The following MARCHF1 variants were observed in gnomAD, a reference collection of about 807,000 sequenced individuals.
MARCHF1 encodes E3 ubiquitin-protein ligase MARCHF1.
A neutral mutation model predicts 54.2 loss-of-function variants in MARCHF1; 40 were observed. The ratio of observed to expected loss-of-function variants is 0.74; its 90% CI spans 0.57 to 0.96. The LOEUF (loss-of-function observed/expected upper bound fraction) is 0.96. Among genes scored for constraint, MARCHF1 ranks in the 40% least tolerant of loss-of-function variants. The probability of loss-of-function intolerance (pLI) is 0.00; values close to 1 mark genes in which losing one functional copy is unlikely to be tolerated. For missense variants in MARCHF1, 586 were observed against 656.5 expected (o/e 0.89, Z 1.17); for synonymous variants, 236 against 236.3 (o/e 1.00, Z 0.01).
intron 4 of MARCHF1, among the ~76,000 whole-genome samples, chr4:163,835,489 C>T (rs1749155759): frequency 6.6e-6 from 1 of 152,064 alleles, no homozygotes; most frequent in African/African-American, 2.4e-5. Flanking sequence ...AGGTTTTGGC[C>T]AATAAAATGT....
At chr4:164,000,818 A>G (rs997951177) in intron 2 of MARCHF1, among the ~76,000 whole-genome samples, 14 of 151,672 alleles carry the variant, frequency 9.2e-5, no homozygotes, top group African/African-American at 3.4e-4. Context: ...ACAACCACCT[A>G]ATAAAATGTT....
intron 4 of MARCHF1, among the ~76,000 whole-genome samples, chr4:163,819,315 T>C (rs111409547): frequency 0.015 from 2,258 of 152,216 alleles, 46 homozygotes; most frequent in African/African-American, 0.047. Flanking sequence ...ATAACATACT[T>C]TGTGATGTCC....
chr4:163,984,948 C>T (rs913340543), intron 3 of MARCHF1, among the ~76,000 whole-genome samples: 4 of 152,096 alleles, frequency 2.6e-5, no homozygotes, highest in African/African-American at 9.7e-5. Context: ...TCTCCCAAAG[C>T]TTTCCCGAGA....
In MARCHF1 at chr4:164,120,480, A is replaced by G. The variant is rs117849711; in HGVS notation, c.-322-8818T>C. 3.0e-4 allele frequency among the ~76,000 whole-genome samples: 45 copies of G among 152,266 alleles called. 1 individual carries two copies. In the East Asian group the frequency reaches 6.2e-3, roughly 21 times the overall value. On this transcript the variant is annotated intron_variant, in intron 1 of 9. Transcript: ENST00000514618. ...AGATTTAATCTGCACTATAGACTAA[A>G]TGGATCTAATAGATATTTACAGAAC...
intron 4 of MARCHF1, among the ~76,000 whole-genome samples, chr4:163,812,159 G>C (rs1265358744): frequency 6.6e-6 from 1 of 152,012 alleles, no homozygotes; most frequent in Non-Finnish European, 1.5e-5. Flanking sequence ...TGGGTCCCCA[G>C]CTTGCAGTTC....
intron 4 of MARCHF1, among the ~76,000 whole-genome samples, chr4:163,823,665 G>A (rs998307568): frequency 1.3e-5 from 2 of 151,618 alleles, no homozygotes; most frequent in Admixed American, 6.6e-5. Flanking sequence ...TTCTATCCTG[G>A]TTCACCCATT....
intron 1 of MARCHF1, among the ~76,000 whole-genome samples, chr4:164,331,282 C>T (rs938500698): frequency 6.6e-6 from 1 of 151,558 alleles, no homozygotes; most frequent in African/African-American, 2.4e-5. Context: ...GTATGAAATG[C>T]AAGAATTAAT....
At chr4:164,383,787 G>A (rs1453611250) in intron 1 of MARCHF1, 83 bp downstream of exon 1, 1 of 152,798 alleles carries the variant, frequency 6.5e-6, no homozygotes, top group Non-Finnish European at 1.5e-5. Flanking sequence ...TCGGGATCAG[G>A]GACAAGCCGC....
At chr4:164,176,958 C>A (rs1730683188) in intron 1 of MARCHF1, among the ~76,000 whole-genome samples, 1 of 40,400 alleles carries the variant, frequency 2.5e-5, no homozygotes, top group Non-Finnish European at 4.5e-5. Flanking sequence ...CTCTCTCTCT[C>A]TCTCTCTCTC....
intron 3 of MARCHF1, among the ~76,000 whole-genome samples, chr4:163,880,278 T>G (rs1750387582): frequency 6.6e-6 from 1 of 151,448 alleles, no homozygotes; most frequent in African/African-American, 2.4e-5. Context: ...AATTATTTTA[T>G]GATATTTAAA....
intron 3 of MARCHF1, among the ~76,000 whole-genome samples, chr4:163,858,997 G>C (rs1284886186): frequency 1.3e-5 from 2 of 152,156 alleles, no homozygotes; most frequent in African/African-American, 4.8e-5. Flanking sequence ...AATGGAGAGA[G>C]ATGTTCATAG....
intron 3 of MARCHF1, among the ~76,000 whole-genome samples, chr4:163,909,225 G>T (rs1751137674): frequency 6.6e-6 from 1 of 151,978 alleles, no homozygotes; most frequent in Non-Finnish European, 1.5e-5. Context: ...TCACACAGTG[G>T]TTACCATGGA....
chr4:164,106,061 A>G (rs1755689777), intron 2 of MARCHF1, among the ~76,000 whole-genome samples: 2 of 151,460 alleles, frequency 1.3e-5, no homozygotes, highest in African/African-American at 2.4e-5. Context: ...CAAAACCACA[A>G]TGAGATACCA....
chr4:163,633,928 T>A (rs970812369), intron 5 of MARCHF1, among the ~76,000 whole-genome samples: 1 of 151,716 alleles, frequency 6.6e-6, no homozygotes, highest in Non-Finnish European at 1.5e-5. Context: ...CAGAAGAGAG[T>A]GGGGGCCAAT....
At chr4:164,179,250 CCT>C (rs1248298001) in intron 1 of MARCHF1, among the ~76,000 whole-genome samples, 3 of 152,074 alleles carry the variant, frequency 2.0e-5, no homozygotes, top group Non-Finnish European at 2.9e-5. Flanking sequence ...GCTGTGGTTT[CCT>C]CTCTACACCA....
intron 4 of MARCHF1, among the ~76,000 whole-genome samples, chr4:163,851,647 A>G (rs902664109): frequency 2.0e-5 from 3 of 152,238 alleles, no homozygotes; most frequent in Non-Finnish European, 2.9e-5. Flanking sequence ...GGTGACCAGT[A>G]AAATGGACTG....
intron 2 of MARCHF1, among the ~76,000 whole-genome samples, chr4:164,022,676 C>T (rs1284446257): frequency 6.6e-6 from 1 of 152,236 alleles, no homozygotes; most frequent in Non-Finnish European, 1.5e-5. Flanking sequence ...GTGCATGGAG[C>T]AGCTGCGGCG....
At chr4:164,264,895 G>A (rs1733566550) in intron 1 of MARCHF1, among the ~76,000 whole-genome samples, 1 of 150,480 alleles carries the variant, frequency 6.6e-6, no homozygotes. Context: ...ACTCCAGCCT[G>A]GGCAACAAGA....
Position 163,527,496 on chromosome 4 carries a change from T to G in MARCHF1, c.*1252A>C, listed in dbSNP as rs2110841379. 1 of 146,608 alleles carries G rather than the reference T, an allele frequency of 6.8e-6. No individual in the cohort carries two copies. The highest frequency in any genetic ancestry group is 2.5e-5 in the African/African-American group (1 of 40,784). The allele number at this position is 146,608 out of a possible 1,614,324, so 9.1% of individuals were successfully genotyped here. On this transcript the variant is annotated 3_prime_UTR_variant, in exon 10 of 10. Transcript: ENST00000514618. ...TACTTCATAGTAACAATTTATTTAT[T>G]TCACAACTCTGCTATAGGCAGATTG...
Sources: gnomAD v4.1 joint callset for allele counts (sites outside exome capture counted in the v4.1 genomes callset) on GRCh38, gnomAD v4.1.1 for gene constraint, MANE v1.5 for transcripts, NCBI Gene and HGNC (gene_info 2026-07-23, HGNC 2026-07-21) for gene names.